The following PAGR1 variants were observed in gnomAD, a reference collection of about 807,000 sequenced individuals.
The protein encoded by PAGR1 is PAXIP1-associated glutamate-rich protein 1.
A neutral mutation model predicts 22.4 loss-of-function variants in PAGR1; 20 were observed. The observed-to-expected ratio is 0.89, with a 90% confidence interval of 0.63 to 1.30. The LOEUF is 1.30. Among genes scored for constraint, PAGR1 ranks in the 50% most tolerant of loss-of-function variants. The pLI is 0.00. For synonymous variants in PAGR1, 161 were observed against 148.3 expected, an observed-to-expected ratio of 1.09 and a Z score of -0.62; for missense variants, 338 against 343.6, an observed-to-expected ratio of 0.98 and a Z score of 0.13.
chr16:29,821,070 T>A lies in PAGR1; in HGVS notation c.*1316T>A, dbSNP rs1393068415. The stretch of plus-strand genomic sequence containing the variant: ...AGTGATTTCCAGAAGGCGTAGAATT[T>A]AGTGACCAAGGTTCTTTCCTTTTTG... On this transcript the variant is annotated 3_prime_UTR_variant, in exon 3 of 3. Transcript: ENST00000320330. 6.6e-6 allele frequency: 1 copy of A among 152,252 alleles called. No homozygotes were observed. The highest frequency in any genetic ancestry group is 2.4e-5 in the African/African-American group (1 of 41,460). 9.4% of individuals were successfully genotyped at this position (152,252 alleles called of 1,614,324 possible). A position where few individuals can be genotyped will look rare whatever the true frequency, so the allele number is the denominator to read the frequency against.
chr16:29,817,103 G>A, intron 1 of PAGR1, 96 bp downstream of exon 1: 1 of 1,579,688 alleles, frequency 6.3e-7, no homozygotes, highest in South Asian at 1.1e-5. Context: ...ACCTTTGAAA[G>A]TGGAGGGAGG....
At position 29,819,741 on chromosome 16, in the gene PAGR1, A is replaced by G; in HGVS notation, c.752A>G (p.Gln251Arg). The change falls in exon 3 of 3, where the codon CAG becomes CGG. Residue 251 changes from glutamine (Q) to arginine (R), a missense_variant. Transcript: ENST00000320330. ...RSSGSSLFPR[Q>R]RKY The stretch of plus-strand genomic sequence containing the variant: ...TCCGGGAGTAGTCTCTTCCCTCGGC[A>G]GCGGAAATACTGATTCCCACTGCTC... 2 of 1,611,282 alleles carry G rather than the reference A, an allele frequency of 1.2e-6. No homozygotes were observed. Among genetic ancestry groups the G allele is most frequent in the East Asian group, 2.2e-5 (1 of 44,776 alleles).
At position 29,819,540 on chromosome 16, in the gene PAGR1, C is replaced by T. The variant is rs1041335651; in HGVS notation, c.566-15C>T. ...CCTCCATCCCTTCCATGTATCTTAC[C>T]TTCCTCTTCTCCAGGAAGCTCAGCC... On this transcript the variant is annotated splice_polypyrimidine_tract_variant and intron_variant, in intron 2 of 2. Transcript: ENST00000320330. 7 of 1,613,798 alleles carry T rather than the reference C, an allele frequency of 4.3e-6. No homozygotes were observed. The highest frequency in any genetic ancestry group is 1.7e-4 in the Middle Eastern group (1 of 6,054).
rs1053080630 is a variant in PAGR1 at position 29,821,815 on chromosome 16, G to C, written c.*2061G>C. On this transcript the variant is annotated 3_prime_UTR_variant, in exon 3 of 3. Transcript: ENST00000320330. Reference sequence around the variant, plus strand: ...CACAGATTAAGCTCATCTGAAGTGGGAGCTGTTACTTAGGGGCGTTTGCCT... The same window carrying C: ...CACAGATTAAGCTCATCTGAAGTGGCAGCTGTTACTTAGGGGCGTTTGCCT... 6.6e-6 allele frequency among the ~76,000 whole-genome samples: 1 copy of C among 152,216 alleles called. No individual in the cohort carries two copies. The highest frequency in any genetic ancestry group is 2.4e-5 in the African/African-American group (1 of 41,458).
In PAGR1 at chr16:29,816,759, G is replaced by A. The variant is rs1393309283; in HGVS notation, c.234G>A (p.Glu78=). The A allele has an allele frequency of 1.3e-6, 2 of 1,590,870 alleles. No individual in the cohort carries two copies. The highest frequency in any genetic ancestry group is 1.7e-6 in the Non-Finnish European group (2 of 1,169,414). The change falls in exon 1 of 3, where the codon GAG becomes GAA. Residue 78 remains glutamate, a synonymous_variant. Transcript: ENST00000320330. ...AAGTCCCCAGCGCTGGGGGAGAAGA[G>A]CCTGCCGAGGAGGACTCCGAGGACT... ...QGEVPSAGGE[E]PAEEDSEDWC...
In PAGR1 at chr16:29,816,181, C is replaced by T. The variant is rs1900240199; in HGVS notation, c.-345C>T. 5.5e-6 allele frequency: 2 copies of T among 362,422 alleles called. No individual in the cohort carries two copies. The allele number at this position is 362,422 out of a possible 1,614,324, so 22.5% of individuals were successfully genotyped here. A position where few individuals can be genotyped will look rare whatever the true frequency, so the allele number is the denominator to read the frequency against. On this transcript the variant is annotated 5_prime_UTR_variant, in exon 1 of 3. Transcript: ENST00000320330. ...GCGTACGGCATCTGACTTGACGTGG[C>T]CCACAACTGAAAGGTCTGGGGAGAA...
chr16:29,816,802 G>T lies in PAGR1; in HGVS notation c.277G>T (p.Asp93Tyr). The T allele has an allele frequency of 6.4e-7, 1 of 1,570,424 alleles. No individual in the cohort carries two copies. Among genetic ancestry groups the T allele is most frequent in the Non-Finnish European group, 8.6e-7 (1 of 1,158,304 alleles). ...CGAGGACTGGTGCGTGCCCTGCAGC[G>T]ACGAGGAGGTGGAGCTGCCTGCGGA... ...DSEDWCVPCS[D>Y]EEVELPADGQ... The change falls in exon 1 of 3, where the codon GAC (aspartate) becomes TAC (tyrosine). Residue 93 changes from aspartate (D) to tyrosine (Y), a missense_variant. Around this residue, in one of 3 missense-constraint regions of PAGR1, gnomAD observed 235 missense variants for 216.0 expected, o/e 1.09. Coordinates refer to ENST00000320330, the MANE Select transcript of PAGR1 (RefSeq NM_024516.4).
At position 29,816,418 on chromosome 16, in the gene PAGR1, C is replaced by A; in HGVS notation, c.-108C>A. ...CTGGCCGCGGAGTCCCCTGCGGGAG[C>A]GTGATTGGCTGGAAACGGTCCCGAA... On this transcript the variant is annotated 5_prime_UTR_variant, in exon 1 of 3. Coordinates refer to ENST00000320330, the MANE Select transcript of PAGR1 (RefSeq NM_024516.4). The A allele has an allele frequency of 1.7e-6, 2 of 1,161,298 alleles. No homozygotes were observed. The highest frequency in any genetic ancestry group is 1.1e-6 in the Non-Finnish European group (1 of 894,098). The allele number at this position is 1,161,298 out of a possible 1,614,324, so 71.9% of individuals were successfully genotyped here.
chr16:29,820,019 AGT>A lies in PAGR1; in HGVS notation c.*271_*272del, dbSNP rs111407513. Reference sequence around the variant, plus strand: ...TTCTATTGAACATCTATATAGAGAGAGTGTGTGAGTGTGTGTTTTCTATTGAA... The same window carrying A: ...TTCTATTGAACATCTATATAGAGAGAGTGTGAGTGTGTGTTTTCTATTGAA... On this transcript the variant is annotated 3_prime_UTR_variant, in exon 3 of 3. Transcript: ENST00000320330. 9.3e-3 allele frequency: 3,781 copies of A among 406,326 alleles called. 109 individuals carry two copies. The highest frequency in any genetic ancestry group is 0.07 in the African/African-American group (3,464 of 49,466). 25.2% of individuals were successfully genotyped at this position (406,326 alleles called of 1,614,324 possible). A position where few individuals can be genotyped will look rare whatever the true frequency, so the allele number is the denominator to read the frequency against.
Position 29,816,210 on chromosome 16 carries a change from G to T in PAGR1, c.-316G>T, listed in dbSNP as rs771678224. The T allele has an allele frequency of 2.6e-6, 1 of 391,018 alleles. No individual in the cohort carries two copies. The highest frequency in any genetic ancestry group is 4.5e-6 in the Non-Finnish European group (1 of 220,514). 24.2% of individuals were successfully genotyped at this position (391,018 alleles called of 1,614,324 possible). ...CAACTGAAAGGTCTGGGGAGAAGGC[G>T]CCGTGTCCGGGTGTGGAGAGGGGCG... is the stretch of plus-strand genomic sequence containing the variant. On this transcript the variant is annotated 5_prime_UTR_variant, in exon 1 of 3. Coordinates refer to ENST00000320330, the MANE Select transcript of PAGR1 (RefSeq NM_024516.4).
Position 29,819,686 on chromosome 16 carries a change from C to G in PAGR1, c.697C>G (p.Pro233Ala). 1 of 1,613,846 alleles carries G rather than the reference C, an allele frequency of 6.2e-7. No homozygotes were observed. Among genetic ancestry groups the G allele is most frequent in the Non-Finnish European group, 8.5e-7 (1 of 1,180,018 alleles). ...CCTCTTCAGCCTGGACTCGGAGGAC[C>G]CCAGCCCCGCCAGCCCCCCACTCCG... ...RDLFSLDSED[P>A]SPASPPLRSS... The change falls in exon 3 of 3, where the codon CCC becomes GCC. Residue 233 changes from proline (P) to alanine (A), a missense_variant. Physicochemically the swap from Pro to Ala is conservative, Grantham distance 27 (BLOSUM62 -1). Around this residue, in one of 3 missense-constraint regions of PAGR1, gnomAD observed 52 missense variants for 44.5 expected, o/e 1.17. Coordinates refer to ENST00000320330, the MANE Select transcript of PAGR1 (RefSeq NM_024516.4).
Position 29,819,669 on chromosome 16 carries a change from G to A in PAGR1, c.680G>A (p.Ser227Asn). The A allele has an allele frequency of 6.2e-7, 1 of 1,613,984 alleles. No individual in the cohort carries two copies. Among genetic ancestry groups the A allele is most frequent in the African/African-American group, 1.3e-5 (1 of 75,042 alleles). The change falls in exon 3 of 3, where the codon AGC (serine) becomes AAC (asparagine). Residue 227 changes from serine to asparagine, a missense_variant. Transcript: ENST00000320330. ...CTTCGTACCGGGAGGGACCTCTTCA[G>A]CCTGGACTCGGAGGACCCCAGCCCC... ...QILRTGRDLF[S>N]LDSEDPSPAS... is the part of the protein sequence containing the mutation.
intron 2 of PAGR1, 112 bp from the exon 3 acceptor site, chr16:29,819,443 G>T: frequency 9.1e-7 from 1 of 1,099,244 alleles, no homozygotes; most frequent in Non-Finnish European, 1.3e-6. Context: ...CCAAGACAGA[G>T]GCCTGGGGAC....
At position 29,816,890 on chromosome 16, in the gene PAGR1, A is replaced by C. The variant is rs1356748197; in HGVS notation, c.365A>C (p.His122Pro). The C allele has an allele frequency of 6.4e-7, 1 of 1,563,580 alleles. No individual in the cohort carries two copies. Among genetic ancestry groups the C allele is most frequent in the Non-Finnish European group, 8.6e-7 (1 of 1,156,478 alleles). Residue 122 changes from histidine to proline, a missense_variant, in exon 1 of 3, where the codon CAC becomes CCC. By Grantham distance (77) the His-to-Pro change is moderately conservative. Transcript: ENST00000320330. ...IQRLYELLAA[H>P]GTLELQAEIL... ...CGGCTCTATGAACTGCTGGCTGCCCACGGTACTCTGGAGCTGCAAGCCGAG... is the reference window on the plus strand; with the variant it reads ...CGGCTCTATGAACTGCTGGCTGCCCCCGGTACTCTGGAGCTGCAAGCCGAG...
rs1055802683 is a variant in PAGR1 at position 29,820,059 on chromosome 16, G to T, written c.*305G>T. The T allele has an allele frequency of 6.6e-6, 2 of 303,150 alleles. No individual in the cohort carries two copies. Among genetic ancestry groups the T allele is most frequent in the Non-Finnish European group, 1.2e-5 (2 of 162,962 alleles). The allele number at this position is 303,150 out of a possible 1,614,324, so 18.8% of individuals were successfully genotyped here. A position where few individuals can be genotyped will look rare whatever the true frequency, so the allele number is the denominator to read the frequency against. On this transcript the variant is annotated 3_prime_UTR_variant, in exon 3 of 3. Coordinates refer to ENST00000320330, the MANE Select transcript of PAGR1 (RefSeq NM_024516.4). ...GTTTTCTATTGAACACCTATTCAGA[G>T]ACCTGGACTGAATTTTCTGAGTCTG...
At chr16:29,819,319 C>G (rs1567384287) in intron 2 of PAGR1, 2 of 547,686 alleles carry the variant, frequency 3.7e-6, no homozygotes, top group South Asian at 2.3e-5. Context: ...TCTACCCTTG[C>G]CATTCCCCTG....
In PAGR1 at chr16:29,821,736, G is replaced by C. The variant is rs2067363190; in HGVS notation, c.*1982G>C. Reference sequence around the variant, plus strand: ...TGCTCTTGGGCAAATTTCTTAACTTGCAGGTTCTTGTGAGGATAACATGAG... The same window carrying C: ...TGCTCTTGGGCAAATTTCTTAACTTCCAGGTTCTTGTGAGGATAACATGAG... On this transcript the variant is annotated 3_prime_UTR_variant, in exon 3 of 3. Transcript: ENST00000320330. 6.6e-6 allele frequency among the ~76,000 whole-genome samples: 1 copy of C among 152,198 alleles called. No individual in the cohort carries two copies. The highest frequency in any genetic ancestry group is 2.1e-4 in the South Asian group (1 of 4,834).
intron 2 of PAGR1, chr16:29,818,352 TTCTC>T (rs565318938): frequency 1.2e-4 from 19 of 152,078 alleles, no homozygotes; most frequent in Non-Finnish European, 1.5e-4. Context: ...CATTCTTGAT[TTCTC>T]TCTCTTTTAC....
Position 29,817,271 on chromosome 16 carries a change from A to G in PAGR1, c.544A>G (p.Ile182Val), listed in dbSNP as rs763231054. 6.2e-7 allele frequency: 1 copy of G among 1,614,038 alleles called. No individual in the cohort carries two copies. Among genetic ancestry groups the G allele is most frequent in the South Asian group, 1.1e-5 (1 of 91,082 alleles). The change falls in exon 2 of 3, where the codon ATT becomes GTT. Residue 182 changes from isoleucine to valine, a missense_variant. Physicochemically the swap from Ile to Val is conservative, Grantham distance 29 (BLOSUM62 3). Transcript: ENST00000320330. The stretch of plus-strand genomic sequence containing the variant: ...GCCAGTGACACCAAAGGACTCCCTG[A>G]TTGACCGGAGACGCACCCCAGGTAC... ...DEPVTPKDSL[I>V]DRRRTPGSSA...
Sources: gnomAD v4.1 joint callset for allele counts (sites outside exome capture counted in the v4.1 genomes callset) on GRCh38, gnomAD v4.1.1 for gene constraint, gnomAD v4.1.1 regional missense constraint, MANE v1.5 for transcripts, NCBI Gene and HGNC (gene_info 2026-07-23, HGNC 2026-07-21) for gene names.